The following DNMT3A variants were observed in gnomAD, a reference collection of about 807,000 sequenced individuals.
The protein encoded by DNMT3A is DNA methyltransferase 3 alpha, also known as DNA (cytosine-5)-methyltransferase 3A.
In DNMT3A, 267 loss-of-function variants were observed where a neutral mutation model predicts 117.6. That is an observed-to-expected ratio of 2.27 (90% confidence interval 2.05 to 2.51). DNMT3A has a LOEUF of 2.51. Ranked by LOEUF, DNMT3A falls within the 30% of genes most tolerant of loss-of-function variation. The pLI, the probability that DNMT3A is intolerant of heterozygous loss-of-function variation, is 0.00. For missense variants in DNMT3A, 1,029 were observed against 1,260.2 expected (o/e 0.82, Z 2.78); for synonymous variants, 432 against 474.8 (o/e 0.91, Z 1.17).
In DNMT3A at chr2:25,236,159, G is replaced by T. The variant is rs139803514; in HGVS notation, c.2479-334C>A. Among the ~76,000 whole-genome samples the T allele has an allele frequency of 6.6e-6, 1 of 151,436 alleles. No individual in the cohort carries two copies. The highest frequency in any genetic ancestry group is 1.5e-5 in the Non-Finnish European group (1 of 67,960). ...CAGCTCACTGTAACCTCCACCTCCC[G>T]GGTTCAAGCGATTCTAATGCCTCAG... On this transcript the variant is annotated intron_variant, in intron 21 of 22. Transcript: ENST00000321117. The surrounding 1 kb of genome is among the most constrained non-coding windows in gnomAD (Gnocchi z 4.5).
At chr2:25,284,649 A>G (rs1224597999) in intron 3 of DNMT3A, among the ~76,000 whole-genome samples, 2 of 114,006 alleles carry the variant, frequency 1.8e-5, no homozygotes, top group African/African-American at 3.0e-5. Flanking sequence ...TCCATCTAAA[A>G]AAAAAAAAAA....
chr2:25,283,757 G>T (rs74791103), intron 3 of DNMT3A, among the ~76,000 whole-genome samples: 2 of 152,158 alleles, frequency 1.3e-5, no homozygotes, highest in South Asian at 4.1e-4. Flanking sequence ...AACTGAACTC[G>T]CTAAGGTTCC....
chr2:25,337,684 TGC>T lies in DNMT3A; in HGVS notation c.-178+4140_-178+4141del, dbSNP rs1491369632. ...GACACATGTGCACTGAACCTCGTCT[TGC>T]CCACACACTTAGCCAAGTGGAGGCA... On this transcript the variant is annotated intron_variant, in intron 1 of 22. Coordinates refer to ENST00000321117, the MANE Select transcript of DNMT3A (RefSeq NM_022552.5). This position sits in a 1 kb window ranked among gnomAD's most constrained non-coding sequence, Gnocchi z 5.0. Among the ~76,000 whole-genome samples the T allele has an allele frequency of 1.3e-5, 2 of 152,228 alleles. No homozygotes were observed. The highest frequency in any genetic ancestry group is 2.9e-5 in the Non-Finnish European group (2 of 68,044).
At chr2:25,270,437 G>C (rs1341617490) in intron 6 of DNMT3A, among the ~76,000 whole-genome samples, 1 of 152,168 alleles carries the variant, frequency 6.6e-6, no homozygotes, top group Non-Finnish European at 1.5e-5. Context: ...AGCTGTGGAG[G>C]CTTCTGGAAA....
chr2:25,298,503 G>A lies in DNMT3A; in HGVS notation c.177+1636C>T, dbSNP rs539481628. 3.9e-5 allele frequency among the ~76,000 whole-genome samples: 6 copies of A among 152,304 alleles called. No homozygotes were observed. In the East Asian group the frequency reaches 1.2e-3, roughly 29 times the overall value. ...TGGCTCTTGTCCTCAGAAACTGGACGGGGACAGGGGGAGTTTGCTTAGCAT... is the reference window on the plus strand; with the variant it reads ...TGGCTCTTGTCCTCAGAAACTGGACAGGGACAGGGGGAGTTTGCTTAGCAT... On this transcript the variant is annotated intron_variant, in intron 3 of 22. Transcript: ENST00000321117. The surrounding 1 kb of genome is among the most constrained non-coding windows in gnomAD (Gnocchi z 4.3).
At chr2:25,326,191 C>G (rs1326344613) in intron 1 of DNMT3A, among the ~76,000 whole-genome samples, 1 of 148,050 alleles carries the variant, frequency 6.8e-6, no homozygotes, top group Non-Finnish European at 1.5e-5. Context: ...TTCTTTTTTT[C>G]TCCTTCCCAT....
intron 2 of DNMT3A, among the ~76,000 whole-genome samples, chr2:25,309,058 A>T (rs985062460): frequency 1.3e-5 from 2 of 151,926 alleles, no homozygotes; most frequent in Non-Finnish European, 2.9e-5. Context: ...GATGCACCCC[A>T]GCTGCAGCTT....
At position 25,247,096 on chromosome 2, in the gene DNMT3A, G is replaced by T; in HGVS notation, c.1077C>A (p.Tyr359Ter). ...CTTTGCGGTACATGGGCTGCTTGTT[G>T]TACGTGGCCTGGTGGAACGCACTGC... ...SFCSAFHQAT[Y>*]NKQPMYRKAI... Residue 359 changes from tyrosine (Y) to a stop codon, truncating the protein, a stop_gained, in exon 9 of 23, where the codon TAC (tyrosine) becomes TAA (stop). Coordinates refer to ENST00000321117, the MANE Select transcript of DNMT3A (RefSeq NM_022552.5). LOFTEE classifies it high-confidence loss of function. The surrounding 1 kb of genome is among the most constrained non-coding windows in gnomAD (Gnocchi z 5.6). 1.2e-6 allele frequency: 2 copies of T among 1,614,160 alleles called. No homozygotes were observed. Among genetic ancestry groups the T allele is most frequent in the Non-Finnish European group, 1.7e-6 (2 of 1,180,022 alleles).
At chr2:25,278,038 CAG>C (rs540809852) in intron 4 of DNMT3A, among the ~76,000 whole-genome samples, 3 of 77,142 alleles carry the variant, frequency 3.9e-5, no homozygotes, top group South Asian at 5.5e-4. Context: ...CACACACACA[CAG>C]ACACACACGC....
chr2:25,240,448 CCT>C lies in DNMT3A; in HGVS notation c.2174_2175del (p.Glu725GlyfsTer8), dbSNP rs1175429748. The C allele has an allele frequency of 1.2e-6, 2 of 1,605,208 alleles. No individual in the cohort carries two copies. The highest frequency in any genetic ancestry group is 1.7e-6 in the Non-Finnish European group (2 of 1,175,688). On this transcript the variant is annotated frameshift_variant and splice_region_variant, in exon 19 of 23. Transcript: ENST00000321117. LOFTEE classifies it high-confidence loss of function. Reference sequence around the variant, plus strand: ...AACTCAAAGAAGAGCCGGCCAGTGCCCTCTGAGAGGTCGGAAGAGAAAGCCAT... The same window carrying C: ...AACTCAAAGAAGAGCCGGCCAGTGCCCTGAGAGGTCGGAAGAGAAAGCCAT... ...IVNPARKGLY[E>X]GTGRLFFEFY... is the part of the protein sequence containing the mutation.
Position 25,252,928 on chromosome 2 carries a change from T to C in DNMT3A, c.640-4676A>G, listed in dbSNP as rs1463449511. Among the ~76,000 whole-genome samples, 1 of 151,864 alleles carries C rather than the reference T, an allele frequency of 6.6e-6. No homozygotes were observed. The highest frequency in any genetic ancestry group is 2.4e-5 in the African/African-American group (1 of 41,334). On this transcript the variant is annotated intron_variant, in intron 6 of 22. Transcript: ENST00000321117. This position sits in a 1 kb window ranked among gnomAD's most constrained non-coding sequence, Gnocchi z 5.5. ...CTCCCGCCTCCACACTACAGGTGAA[T>C]AGAGAAGCGGGGGGGCCTCAAAAAG...
In DNMT3A at chr2:25,247,149, C is replaced by A. The variant is rs1674911043; in HGVS notation, c.1024G>T (p.Glu342Ter). The change falls in exon 9 of 23, where the codon GAG (glutamate) becomes TAG (stop). Residue 342 changes from glutamate (E) to a stop codon, truncating the protein, a stop_gained. Coordinates refer to ENST00000321117, the MANE Select transcript of DNMT3A (RefSeq NM_022552.5). LOFTEE classifies it high-confidence loss of function. This position sits in a 1 kb window ranked among gnomAD's most constrained non-coding sequence, Gnocchi z 5.6. ...AACGAGCTCAGCGGCATCAGCTTCT[C>A]AACACACACCTGGGGGGACAAGCCA... ...GDGKFSVVCV[E>*]KLMPLSSFCS... The A allele has an allele frequency of 1.2e-6, 2 of 1,613,952 alleles. No individual in the cohort carries two copies. Among genetic ancestry groups the A allele is most frequent in the Non-Finnish European group, 1.7e-6 (2 of 1,179,926 alleles).
chr2:25,243,338 T>C (rs1165442424), intron 16 of DNMT3A, among the ~76,000 whole-genome samples: 1 of 151,320 alleles, frequency 6.6e-6, no homozygotes, highest in Non-Finnish European at 1.5e-5. Flanking sequence ...TCGCTTGACA[T>C]GAAAAAGCAA....
At chr2:25,265,413 C>G (rs1036999410) in intron 6 of DNMT3A, among the ~76,000 whole-genome samples, 2 of 152,220 alleles carry the variant, frequency 1.3e-5, no homozygotes, top group Non-Finnish European at 2.9e-5. Context: ...AGAAGCAACA[C>G]GAGATTTGGA....
intron 2 of DNMT3A, among the ~76,000 whole-genome samples, chr2:25,300,743 AT>A (rs536697499): frequency 5.5e-4 from 27 of 48,772 alleles, no homozygotes; most frequent in African/African-American, 2.3e-3. Flanking sequence ...ATATATATAT[AT>A]ATATATATAT....
rs1434514436 is a variant in DNMT3A, at chr2:25,259,947, TC to T, written c.640-11696del. On this transcript the variant is annotated intron_variant, in intron 6 of 22. Transcript: ENST00000321117. ...CCTGTACCAAGTCCTTTCCGGTCTTTCCCCCCCAACCCTGTTTGGAAACTGT... is the reference window on the plus strand; with the variant it reads ...CCTGTACCAAGTCCTTTCCGGTCTTTCCCCCCAACCCTGTTTGGAAACTGT... 4.6e-5 allele frequency among the ~76,000 whole-genome samples: 7 copies of T among 152,136 alleles called. No individual in the cohort carries two copies. In the East Asian group the frequency reaches 1.2e-3, roughly 25 times the overall value.
chr2:25,281,452 T>C lies in DNMT3A; in HGVS notation c.448+989A>G, dbSNP rs969142944. 9.6e-7 allele frequency: 1 copy of C among 1,044,402 alleles called. No individual in the cohort carries two copies. The highest frequency in any genetic ancestry group is 1.7e-5 in the African/African-American group (1 of 59,884). The allele number at this position is 1,044,402 out of a possible 1,614,324, so 64.7% of individuals were successfully genotyped here. A position where few individuals can be genotyped will look rare whatever the true frequency, so the allele number is the denominator to read the frequency against. ...TAATAAATGAATAAAAGCTTCTTAA[T>C]AAGTTTGGAAATTTGTATTCTGGAA... On this transcript the variant is annotated intron_variant, in intron 4 of 22. Coordinates refer to ENST00000321117, the MANE Select transcript of DNMT3A (RefSeq NM_022552.5). The surrounding 1 kb of genome is among the most constrained non-coding windows in gnomAD (Gnocchi z 4.8).
At chr2:25,275,642 G>C in intron 4 of DNMT3A, 99 bp from the exon 5 acceptor site, 1 of 1,318,730 alleles carries the variant, frequency 7.6e-7, no homozygotes, top group Non-Finnish European at 1.0e-6. Context: ...CTGCCACAGG[G>C]GATGGGGGTC....
chr2:25,243,817 G>C, intron 16 of DNMT3A, 81 bp downstream of exon 16: 1 of 1,435,898 alleles, frequency 7.0e-7, no homozygotes, highest in East Asian at 2.5e-5. Flanking sequence ...CCATCATTTC[G>C]TTTTGCCAGA....
Sources: allele counts gnomAD v4.1 joint callset (sites outside exome capture counted in the v4.1 genomes callset), GRCh38; gene constraint gnomAD v4.1.1; non-coding constraint Gnocchi (gnomAD v3.1); transcripts MANE v1.5; gene names NCBI Gene and HGNC (gene_info 2026-07-23, HGNC 2026-07-21).